TAX1BP1: variants seen among roughly 807,000 people sequenced by gnomAD.
TAX1BP1 encodes tax1-binding protein 1.
A neutral mutation model predicts 97.7 loss-of-function variants in TAX1BP1; 62 were observed. The observed-to-expected ratio is 0.63, with a 90% confidence interval of 0.52 to 0.78. The LOEUF (loss-of-function observed/expected upper bound fraction) is 0.78. Among genes scored for constraint, TAX1BP1 ranks in the 30% least tolerant of loss-of-function variants. The pLI is 0.00. For synonymous variants in TAX1BP1, 340 were observed against 304.2 expected, an observed-to-expected ratio of 1.12 and a Z score of -1.23; for missense variants, 867 against 916.1, an observed-to-expected ratio of 0.95 and a Z score of 0.69.
intron 7 of TAX1BP1, among the ~76,000 whole-genome samples, chr7:27,786,283 G>A (rs1036555777): frequency 1.3e-4 from 19 of 151,512 alleles, no homozygotes; most frequent in African/African-American, 2.7e-4. Context: ...AGGTGCCCGC[G>A]ACCACGTCCG....
At chr7:27,816,202 A>C (rs1790762996) in intron 13 of TAX1BP1, 147 bp from the exon 14 acceptor site, 1 of 615,610 alleles carries the variant, frequency 1.6e-6, no homozygotes, top group Non-Finnish European at 2.6e-6. Context: ...GTTGAGAGCC[A>C]GCTTTTCTAA....
intron 15 of TAX1BP1, among the ~76,000 whole-genome samples, chr7:27,822,301 G>T (rs569545523): frequency 6.6e-6 from 1 of 152,240 alleles, no homozygotes; most frequent in African/African-American, 2.4e-5. Context: ...TATGGCATAC[G>T]TGCTTTTGTT....
At chr7:27,799,121 GA>G (rs1790042106) in intron 12 of TAX1BP1, among the ~76,000 whole-genome samples, 1 of 152,094 alleles carries the variant, frequency 6.6e-6, no homozygotes, top group Non-Finnish European at 1.5e-5. Context: ...TTGTCTTCTA[GA>G]AGTTTTATAA....
At chr7:27,790,144 C>T (rs904027444) in intron 8 of TAX1BP1, among the ~76,000 whole-genome samples, 11 of 151,774 alleles carry the variant, frequency 7.2e-5, no homozygotes, top group Admixed American at 5.2e-4. Context: ...TATATTTTAA[C>T]ACAAATTAGA....
intron 2 of TAX1BP1, among the ~76,000 whole-genome samples, chr7:27,757,401 T>A (rs1351934020): frequency 6.6e-6 from 1 of 152,082 alleles, no homozygotes; most frequent in East Asian, 1.9e-4. Flanking sequence ...ATTTGCCAAT[T>A]GGCTGCAGGC....
intron 15 of TAX1BP1, among the ~76,000 whole-genome samples, chr7:27,817,807 C>T (rs1022515155): frequency 5.3e-5 from 8 of 151,994 alleles, no homozygotes; most frequent in South Asian, 2.1e-4. Flanking sequence ...AATGCTTTAT[C>T]GTGCTCTTTG....
intron 1 of TAX1BP1, among the ~76,000 whole-genome samples, chr7:27,746,651 A>G (rs79267923): frequency 1.3e-5 from 2 of 152,228 alleles, no homozygotes; most frequent in East Asian, 3.9e-4. Context: ...CTTTCCATGA[A>G]ATATGGTTGC....
At chr7:27,756,258 C>T (rs1788209742) in intron 2 of TAX1BP1, among the ~76,000 whole-genome samples, 1 of 152,142 alleles carries the variant, frequency 6.6e-6, no homozygotes, top group African/African-American at 2.4e-5. Context: ...GGAGCCCATT[C>T]TCTGTATCTT....
intron 3 of TAX1BP1, among the ~76,000 whole-genome samples, chr7:27,765,164 T>C (rs902051051): frequency 2.4e-4 from 36 of 147,858 alleles, no homozygotes; most frequent in South Asian, 4.4e-4. Context: ...TGCAGGTACA[T>C]GCCATCACAC....
intron 2 of TAX1BP1, among the ~76,000 whole-genome samples, chr7:27,749,298 C>T (rs1416586264): frequency 1.3e-5 from 2 of 152,138 alleles, no homozygotes; most frequent in Non-Finnish European, 2.9e-5. Flanking sequence ...CTTTTTCTGG[C>T]AATTTTAACT....
At chr7:27,765,546 T>C (rs1237197976) in intron 3 of TAX1BP1, among the ~76,000 whole-genome samples, 1 of 152,144 alleles carries the variant, frequency 6.6e-6, no homozygotes, top group Non-Finnish European at 1.5e-5. Flanking sequence ...TCTTTCCCAT[T>C]GTAAAGTATA....
At chr7:27,745,697 A>G (rs1787789492) in intron 1 of TAX1BP1, among the ~76,000 whole-genome samples, 1 of 151,960 alleles carries the variant, frequency 6.6e-6, no homozygotes, top group South Asian at 2.1e-4. Flanking sequence ...AAAGTGAAAT[A>G]CTAGTGTTTT....
intron 12 of TAX1BP1, among the ~76,000 whole-genome samples, chr7:27,797,060 T>C (rs1789962329): frequency 6.6e-6 from 1 of 151,628 alleles, no homozygotes; most frequent in Admixed American, 6.6e-5. Context: ...TGCAGTGGCG[T>C]GATCTCAGCT....
intron 15 of TAX1BP1, among the ~76,000 whole-genome samples, chr7:27,826,626 G>A (rs886397153): frequency 3.9e-5 from 6 of 152,306 alleles, no homozygotes; most frequent in Admixed American, 6.5e-5. Flanking sequence ...TTTAGATGAT[G>A]TGCCTGGTTT....
chr7:27,759,435 A>G (rs1031906398), intron 3 of TAX1BP1, among the ~76,000 whole-genome samples: 1 of 152,182 alleles, frequency 6.6e-6, no homozygotes, highest in African/African-American at 2.4e-5. Context: ...ATCAAAGTAC[A>G]TGCTAAAATT....
In TAX1BP1 at chr7:27,800,025, A is replaced by T; in HGVS notation, c.1699A>T (p.Lys567Ter). 1 of 1,606,248 alleles carries T rather than the reference A, an allele frequency of 6.2e-7. No homozygotes were observed. Residue 567 changes from lysine (K) to a stop codon, truncating the protein, a stop_gained, in exon 13 of 17, where the codon AAA becomes TAA. Transcript: ENST00000396319. LOFTEE classifies it high-confidence loss of function. ...DELAKMELKW[K>*]EQVKIAENVK... ...ACTTGCAAAAATGGAGCTGAAATGG[A>T]AAGAACAAGTGAAAATTGCTGAAAA...
Position 27,781,723 on chromosome 7 carries a change from T to A in TAX1BP1, c.613-3440T>A, listed in dbSNP as rs1403331460. 3.9e-5 allele frequency among the ~76,000 whole-genome samples: 6 copies of A among 152,016 alleles called. No homozygotes were observed. In the East Asian group the frequency reaches 5.8e-4, roughly 15 times the overall value. ...CACTAAATTAATTAATTAATTAATT[T>A]TTTTTTTTGAGACGGAGTCTTACTC... On this transcript the variant is annotated intron_variant, in intron 5 of 16. Coordinates refer to ENST00000396319, the MANE Select transcript of TAX1BP1 (RefSeq NM_006024.7).
Position 27,758,019 on chromosome 7 carries a change from A to T in TAX1BP1, c.163-12A>T, listed in dbSNP as rs767646362. 1 of 1,588,614 alleles carries T rather than the reference A, an allele frequency of 6.3e-7. No individual in the cohort carries two copies. The highest frequency in any genetic ancestry group is 1.4e-5 in the African/African-American group (1 of 74,064). ...TGCTTATAAATCCGCCTTTTTTGTT[A>T]TTTCCCTTTAGGTTGGATGGAGTAC... On this transcript the variant is annotated splice_polypyrimidine_tract_variant and intron_variant, in intron 2 of 16. Transcript: ENST00000396319.
At chr7:27,815,017 G>T (rs534179721) in intron 13 of TAX1BP1, among the ~76,000 whole-genome samples, 1 of 152,076 alleles carries the variant, frequency 6.6e-6, no homozygotes, top group Non-Finnish European at 1.5e-5. Flanking sequence ...GATTACAGGC[G>T]TGAGCCACTG....
Sources: allele counts gnomAD v4.1 joint callset (sites outside exome capture counted in the v4.1 genomes callset), GRCh38; gene constraint gnomAD v4.1.1; transcripts MANE v1.5; gene names NCBI Gene and HGNC (gene_info 2026-07-23, HGNC 2026-07-21).